The following MYO16 variants were observed in gnomAD, a reference collection of about 807,000 sequenced individuals.
MYO16 encodes myosin XVI.
In MYO16, 94 loss-of-function variants were observed where a neutral mutation model predicts 205.3. The ratio of observed to expected loss-of-function variants is 0.46; its 90% CI spans 0.39 to 0.54. The LOEUF (loss-of-function observed/expected upper bound fraction) is 0.54. Ranked by LOEUF, MYO16 falls within the 20% of genes least tolerant of loss-of-function variation. The pLI is 0.00. For synonymous variants in MYO16, 988 were observed against 954.0 expected (o/e 1.04, Z -0.66); for missense variants, 2,315 against 2,387.5 (o/e 0.97, Z 0.63).
intron 2 of MYO16, among the ~76,000 whole-genome samples, chr13:108,688,419 C>T (rs1399398275): frequency 6.6e-6 from 1 of 152,078 alleles, no homozygotes; most frequent in Non-Finnish European, 1.5e-5. Flanking sequence ...TTACAATTCT[C>T]ATTATTATTT....
the MYO16 span, among the ~76,000 whole-genome samples, chr13:108,559,225 A>G: frequency 6.6e-6 from 1 of 151,996 alleles, no homozygotes; most frequent in Non-Finnish European, 1.5e-5. Flanking sequence ...GAGTGTGTGA[A>G]GACACATAGG....
the MYO16 span, among the ~76,000 whole-genome samples, chr13:108,588,161 A>G: frequency 6.6e-6 from 1 of 152,126 alleles, no homozygotes; most frequent in Non-Finnish European, 1.5e-5. Flanking sequence ...CATCCAATAT[A>G]TTGAATTTTG....
chr13:108,725,846 G>A (rs1594243085), intron 3 of MYO16, among the ~76,000 whole-genome samples: 1 of 152,200 alleles, frequency 6.6e-6, no homozygotes. Flanking sequence ...GGTCAAGCCA[G>A]GTTCTTCTCC....
intron 21 of MYO16, among the ~76,000 whole-genome samples, chr13:108,996,654 G>A (rs1313751569): frequency 2.0e-5 from 3 of 152,152 alleles, no homozygotes; most frequent in Admixed American, 6.5e-5. Flanking sequence ...GTGGCCATAG[G>A]TTGGTACTTA....
intron 1 of MYO16, among the ~76,000 whole-genome samples, chr13:108,600,980 A>AAG (rs1303250458): frequency 2.0e-5 from 3 of 152,124 alleles, no homozygotes; most frequent in African/African-American, 7.2e-5. Context: ...AAGAAATATG[A>AAG]AGAGAGAGAG....
At chr13:109,196,630 T>C (rs1324115992) in intron 34 of MYO16, among the ~76,000 whole-genome samples, 1 of 152,156 alleles carries the variant, frequency 6.6e-6, no homozygotes, top group African/African-American at 2.4e-5. Flanking sequence ...TTTTAGGTGG[T>C]CCAAACTGAC....
chr13:108,722,540 T>C (rs1884202566), intron 3 of MYO16, among the ~76,000 whole-genome samples: 1 of 152,168 alleles, frequency 6.6e-6, no homozygotes, highest in South Asian at 2.1e-4. Flanking sequence ...TAACTCTGTT[T>C]GGTGAAAGAC....
chr13:108,817,142 A>G (rs1875665429), intron 7 of MYO16, among the ~76,000 whole-genome samples: 1 of 152,226 alleles, frequency 6.6e-6, no homozygotes, highest in Non-Finnish European at 1.5e-5. Flanking sequence ...GCAATTTCTT[A>G]TAAAGTTAAG....
intron 28 of MYO16, among the ~76,000 whole-genome samples, chr13:109,117,852 A>AT (rs944226125): frequency 3.3e-5 from 5 of 151,974 alleles, no homozygotes; most frequent in Non-Finnish European, 5.9e-5. Flanking sequence ...TTCAAGAAAT[A>AT]TTTTTTTTAA....
At chr13:109,186,609 A>AACACAC (rs112011251) in intron 34 of MYO16, among the ~76,000 whole-genome samples, 55 of 149,572 alleles carry the variant, frequency 3.7e-4, no homozygotes, top group African/African-American at 1.2e-3. Flanking sequence ...TAAGCTTTTC[A>AACACAC]ACACACACAC....
the MYO16 span, among the ~76,000 whole-genome samples, chr13:108,505,866 C>T: frequency 6.6e-6 from 1 of 152,082 alleles, no homozygotes; most frequent in African/African-American, 2.4e-5. Flanking sequence ...GATCAAATGT[C>T]ATTGTCTTGC....
chr13:108,820,837 A>C (rs1362573224), intron 8 of MYO16, among the ~76,000 whole-genome samples: 1 of 152,206 alleles, frequency 6.6e-6, no homozygotes. Context: ...AAACTACAAG[A>C]AAAATACAGA....
intron 23 of MYO16, among the ~76,000 whole-genome samples, chr13:109,034,950 G>A (rs545332505): frequency 6.6e-6 from 1 of 152,304 alleles, no homozygotes; most frequent in African/African-American, 2.4e-5. Flanking sequence ...CAGAGAAGCT[G>A]ACTATCATGT....
intron 23 of MYO16, among the ~76,000 whole-genome samples, chr13:109,023,029 T>G (rs1211285604): frequency 7.4e-6 from 1 of 134,754 alleles, no homozygotes; most frequent in Non-Finnish European, 1.5e-5. Context: ...ATGTATATAT[T>G]TATATATTAA....
chr13:108,915,801 G>A (rs1881471871), intron 16 of MYO16, among the ~76,000 whole-genome samples: 1 of 152,160 alleles, frequency 6.6e-6, no homozygotes, highest in South Asian at 2.1e-4. Context: ...AATTTTGAAT[G>A]CTAAGTTGAA....
At position 109,162,492 on chromosome 13, in the gene MYO16, C is replaced by G. The variant is rs1239884018; in HGVS notation, c.5165-2409C>G. Among the ~76,000 whole-genome samples the G allele has an allele frequency of 2.6e-5, 4 of 152,178 alleles. No individual in the cohort carries two copies. Among genetic ancestry groups the G allele is most frequent in the African/African-American group, 9.7e-5 (4 of 41,444 alleles). On this transcript the variant is annotated intron_variant, in intron 32 of 34. Transcript: ENST00000457511. The surrounding 1 kb of genome is among the most constrained non-coding windows in gnomAD (Gnocchi z 4.6). ...TGTGGAGGTTGCCTTTCTAAAATCA[C>G]GAGCTGAAATGCAACCTCATGGACC...
At chr13:108,673,388 A>G (rs950121967) in intron 2 of MYO16, among the ~76,000 whole-genome samples, 2 of 149,728 alleles carry the variant, frequency 1.3e-5, no homozygotes, top group Non-Finnish European at 3.0e-5. Flanking sequence ...TTCAAAAGCA[A>G]TGTTATTTAT....
intron 1 of MYO16, among the ~76,000 whole-genome samples, chr13:108,609,253 C>T (rs1874462597): frequency 6.6e-6 from 1 of 152,138 alleles, no homozygotes; most frequent in Non-Finnish European, 1.5e-5. Flanking sequence ...TCACACACAG[C>T]TGGGGCTGCA....
At chr13:108,521,907 G>T in the MYO16 span, among the ~76,000 whole-genome samples, 2 of 152,202 alleles carry the variant, frequency 1.3e-5, no homozygotes, top group Non-Finnish European at 1.5e-5. Flanking sequence ...AATCTGCAAT[G>T]ATATAAATAT....
Sources: allele counts gnomAD v4.1 joint callset (sites outside exome capture counted in the v4.1 genomes callset), GRCh38; gene constraint gnomAD v4.1.1; non-coding constraint Gnocchi (gnomAD v3.1); transcripts MANE v1.5; gene names NCBI Gene and HGNC (gene_info 2026-07-23, HGNC 2026-07-21).